Variants in NOS1 observed in about 807,000 individuals in gnomAD.
The protein encoded by NOS1 is nitric oxide synthase 1, also known as NOS type I.
A neutral mutation model predicts 164.5 loss-of-function variants in NOS1; 51 were observed. The observed-to-expected ratio is 0.31, with a 90% confidence interval of 0.25 to 0.39. NOS1 has a LOEUF of 0.39. Among genes scored for constraint, NOS1 ranks in the 10% least tolerant of loss-of-function variants. The pLI is 1.00. For missense variants in NOS1, 1,362 were observed against 1,885.6 expected, an observed-to-expected ratio of 0.72 and a Z score of 5.14; for synonymous variants, 719 against 745.8, an observed-to-expected ratio of 0.96 and a Z score of 0.59.
rs41420451 is a variant in NOS1, at chr12:117,225,156, G to A, written c.3705-19C>T. On this transcript the variant is annotated intron_variant, in intron 24 of 28. Transcript: ENST00000317775. The stretch of plus-strand genomic sequence containing the variant: ...GGGTGCTCTGGGCAAGGAAGAGGGG[G>A]TCAGAAGTCTTGCAGAGCTCAAATC... The A allele has an allele frequency of 2.5e-6, 4 of 1,601,596 alleles. No individual in the cohort carries two copies. In the African/African-American group the frequency reaches 4.0e-5, roughly 16 times the overall value.
rs973556031 is a variant in NOS1, at chr12:117,214,949, C to T, written c.*360G>A. 7.6e-6 allele frequency: 8 copies of T among 1,053,920 alleles called. No individual in the cohort carries two copies. Among genetic ancestry groups the T allele is most frequent in the Non-Finnish European group, 9.1e-6 (8 of 875,090 alleles). The allele number at this position is 1,053,920 out of a possible 1,614,324, so 65.3% of individuals were successfully genotyped here. A position where few individuals can be genotyped will look rare whatever the true frequency, so the allele number is the denominator to read the frequency against. On this transcript the variant is annotated 3_prime_UTR_variant, in exon 29 of 29. Coordinates refer to ENST00000317775, the MANE Select transcript of NOS1 (RefSeq NM_000620.5). ...GAGGGACTGGCTCAGAGAGCTTGTG[C>T]CTAGTTCCTGCAGCCTTTCCAGGGG...
At chr12:117,323,948 ATT>A (rs71444618) in intron 2 of NOS1, among the ~76,000 whole-genome samples, 9 of 143,810 alleles carry the variant, frequency 6.3e-5, no homozygotes, top group Non-Finnish European at 6.1e-5. Flanking sequence ...CGTCTGGCTA[ATT>A]TTTTTTTTTT....
chr12:117,262,421 A>G (rs1592962956), intron 13 of NOS1, among the ~76,000 whole-genome samples: 1 of 89,066 alleles, frequency 1.1e-5, no homozygotes, highest in Non-Finnish European at 2.1e-5. Context: ...AGAGGGAGGG[A>G]GGGAGGGAGA....
In NOS1 at chr12:117,320,626, G is replaced by A. The variant is rs535948271; in HGVS notation, c.726-9034C>T. Among the ~76,000 whole-genome samples the A allele has an allele frequency of 4.6e-5, 7 of 152,316 alleles. No homozygotes were observed. In the South Asian group the frequency reaches 1.5e-3, roughly 32 times the overall value. On this transcript the variant is annotated intron_variant, in intron 2 of 28. Transcript: ENST00000317775. Reference sequence around the variant, plus strand: ...GGGGTGATTTGTTATGCAGCCATAGGAAGCTGATACAATGAATGAATGGGG... The same window carrying A: ...GGGGTGATTTGTTATGCAGCCATAGAAAGCTGATACAATGAATGAATGGGG...
intron 22 of NOS1, among the ~76,000 whole-genome samples, chr12:117,228,247 G>A (rs1273048477): frequency 1.3e-5 from 2 of 152,186 alleles, no homozygotes; most frequent in Non-Finnish European, 2.9e-5. Flanking sequence ...TTTTATAGAT[G>A]AGGAAACTGA....
chr12:117,256,800 G>A lies in NOS1; in HGVS notation c.2531+1597C>T, dbSNP rs368526120. On this transcript the variant is annotated intron_variant, in intron 16 of 28. Transcript: ENST00000317775. ...AACAAAAATTTTTTTGTCATGGTGC[G>A]GTGGCTCAGGCCTGTAATCCCAGCA... 9.3e-4 allele frequency among the ~76,000 whole-genome samples: 142 copies of A among 151,964 alleles called. 1 individual carries two copies. Among genetic ancestry groups the A allele is most frequent in the East Asian group, 2.6e-3 (13 of 5,072 alleles).
At chr12:117,352,714 GGA>G (rs144531415) in intron 1 of NOS1, among the ~76,000 whole-genome samples, 1 of 151,798 alleles carries the variant, frequency 6.6e-6, no homozygotes, top group Non-Finnish European at 1.5e-5. Context: ...GAAAAAAGAG[GGA>G]GAGAGAGAGA....
chr12:117,331,817 G>A lies in NOS1; in HGVS notation c.-420-328C>T, dbSNP rs1481484349. ...ACCTCTCTTATCTCTTTCCCACCAC[G>A]AGAGGTCATCAGTCCAACTTGTCAA... On this transcript the variant is annotated intron_variant, in intron 1 of 28. Transcript: ENST00000317775. Among the ~76,000 whole-genome samples, 3 of 152,228 alleles carry A rather than the reference G, an allele frequency of 2.0e-5. No individual in the cohort carries two copies. In the East Asian group the frequency reaches 5.8e-4, roughly 29 times the overall value.
chr12:117,244,187 T>C (rs531577232), intron 18 of NOS1, among the ~76,000 whole-genome samples: 3 of 152,222 alleles, frequency 2.0e-5, no homozygotes, highest in Non-Finnish European at 4.4e-5. Context: ...TTTTCTTTTT[T>C]TTTTTTGGTC....
intron 1 of NOS1, among the ~76,000 whole-genome samples, chr12:117,345,030 GC>G (rs1448575471): frequency 2.4e-5 from 2 of 82,094 alleles, no homozygotes. Context: ...TTGCTTTCTT[GC>G]TTTTTTTTTT....
chr12:117,320,465 C>T (rs944518581), intron 2 of NOS1, among the ~76,000 whole-genome samples: 9 of 152,158 alleles, frequency 5.9e-5, no homozygotes, highest in Non-Finnish European at 1.3e-4. Context: ...GAAATGAGTT[C>T]TCTTCAAGAG....
intron 1 of NOS1, among the ~76,000 whole-genome samples, chr12:117,335,083 T>C (rs1875741182): frequency 6.6e-6 from 1 of 152,234 alleles, no homozygotes; most frequent in South Asian, 2.1e-4. Flanking sequence ...TGCAGAGAAC[T>C]TGGCAATGTC....
At chr12:117,254,926 A>G (rs1871327486) in intron 16 of NOS1, among the ~76,000 whole-genome samples, 1 of 152,198 alleles carries the variant, frequency 6.6e-6, no homozygotes, top group African/African-American at 2.4e-5. Flanking sequence ...TCACATTTCA[A>G]GTAAATATGA....
chr12:117,210,545 T>C lies in NOS1; in HGVS notation c.*4764A>G. On this transcript the variant is annotated 3_prime_UTR_variant, in exon 29 of 29. Coordinates refer to ENST00000317775, the MANE Select transcript of NOS1 (RefSeq NM_000620.5). The stretch of plus-strand genomic sequence containing the variant: ...AAACACAGGCTAGAAGTCCACAGAT[T>C]TCCTAATGGCAAGAATGAAAAGGCT... The C allele has an allele frequency of 2.0e-6, 2 of 985,414 alleles. No homozygotes were observed. Among genetic ancestry groups the C allele is most frequent in the South Asian group, 9.4e-5 (2 of 21,282 alleles). The allele number at this position is 985,414 out of a possible 1,614,324, so 61.0% of individuals were successfully genotyped here.
chr12:117,289,279 T>C (rs1484513211), intron 4 of NOS1, among the ~76,000 whole-genome samples: 1 of 152,200 alleles, frequency 6.6e-6, no homozygotes, highest in East Asian at 1.9e-4. Flanking sequence ...CAACTTCCCT[T>C]AGATTCTTTT....
chr12:117,248,993 T>A (rs1253852890), intron 17 of NOS1, among the ~76,000 whole-genome samples: 3 of 152,240 alleles, frequency 2.0e-5, no homozygotes, highest in Non-Finnish European at 4.4e-5. Flanking sequence ...CATAAATGTC[T>A]TCTTTTGAGA....
chr12:117,334,906 G>C (rs1457259079), intron 1 of NOS1, among the ~76,000 whole-genome samples: 1 of 152,200 alleles, frequency 6.6e-6, no homozygotes, highest in Non-Finnish European at 1.5e-5. Context: ...GCTCCGTAGG[G>C]AGAGCTGGCC....
intron 3 of NOS1, among the ~76,000 whole-genome samples, chr12:117,294,468 G>A (rs1051969379): frequency 6.6e-6 from 1 of 152,174 alleles, no homozygotes; most frequent in African/African-American, 2.4e-5. Context: ...TCCGCCCTGG[G>A]TTTCACTGGA....
chr12:117,265,135 C>A (rs1592966412), intron 12 of NOS1, among the ~76,000 whole-genome samples, 181 bp downstream of exon 12: 1 of 152,322 alleles, frequency 6.6e-6, no homozygotes, highest in East Asian at 1.9e-4. Context: ...CATGAGCCAT[C>A]ATGTCGGCCT....
Sources: allele counts gnomAD v4.1 joint callset (sites outside exome capture counted in the v4.1 genomes callset), GRCh38; gene constraint gnomAD v4.1.1; transcripts MANE v1.5; gene names NCBI Gene and HGNC (gene_info 2026-07-23, HGNC 2026-07-21).